STRN: variants seen among roughly 807,000 people sequenced by gnomAD.
The protein encoded by STRN is protein phosphatase 2 regulatory subunit B'''alpha.
Under a neutral mutation model 96.3 loss-of-function variants are expected in STRN, and 53 were observed. The ratio of observed to expected loss-of-function variants is 0.55; its 90% confidence interval spans 0.44 to 0.69. The LOEUF (loss-of-function observed/expected upper bound fraction) is 0.69, where lower values mean the gene tolerates loss of function less well. STRN is among the 30% of genes least tolerant of loss of function. STRN has a pLI of 0.00. For synonymous variants in STRN, 428 were observed against 355.9 expected, an observed-to-expected ratio of 1.20 and a Z score of -2.28; for missense variants, 987 against 963.9, an observed-to-expected ratio of 1.02 and a Z score of -0.32.
At position 36,847,930 on chromosome 2, in the gene STRN, T is replaced by C. The variant is rs995656845; in HGVS notation, c.*1526A>G. The C allele has an allele frequency of 2.0e-5, 3 of 152,252 alleles. 1 individual carries two copies. Among genetic ancestry groups the C allele is most frequent in the African/African-American group, 7.2e-5 (3 of 41,472 alleles). 9.4% of individuals were successfully genotyped at this position (152,252 alleles called of 1,614,324 possible). A position where few individuals can be genotyped will look rare whatever the true frequency, so the allele number is the denominator to read the frequency against. On this transcript the variant is annotated 3_prime_UTR_variant, in exon 18 of 18. Coordinates refer to ENST00000263918, the MANE Select transcript of STRN (RefSeq NM_003162.4). ...TTTTTAAAATCTAAGAGCCTATTTATATGTTTTTTGGTGGAAAGTTGGACG... is the reference window on the plus strand; with the variant it reads ...TTTTTAAAATCTAAGAGCCTATTTACATGTTTTTTGGTGGAAAGTTGGACG...
In STRN at chr2:36,845,910, T is replaced by TGCACACACACACACACACACACAC. The variant is rs1668058648; in HGVS notation, c.*3545_*3546insGTGTGTGTGTGTGTGTGTGTGTGC. 7.5e-5 allele frequency: 2 copies of TGCACACACACACACACACACACAC among 26,588 alleles called. No homozygotes were observed. The highest frequency in any genetic ancestry group is 2.2e-4 in the African/African-American group (2 of 9,022). The allele number at this position is 26,588 out of a possible 1,614,324, so 1.6% of individuals were successfully genotyped here. A position where few individuals can be genotyped will look rare whatever the true frequency, so the allele number is the denominator to read the frequency against. On this transcript the variant is annotated 3_prime_UTR_variant, in exon 18 of 18. Transcript: ENST00000263918. ...ACACACACACACACACACACACGCATGCATGCACACACACACACACACACA... is the reference window on the plus strand; with the variant it reads ...ACACACACACACACACACACACGCATGCACACACACACACACACACACACGCATGCACACACACACACACACACA...
chr2:36,962,639 G>A (rs1665055267), intron 1 of STRN, among the ~76,000 whole-genome samples: 1 of 151,802 alleles, frequency 6.6e-6, no homozygotes, highest in East Asian at 1.9e-4. Context: ...CGATTCTCCT[G>A]CCTCAGCCTC....
chr2:36,929,109 A>G (rs1204054515), intron 1 of STRN, among the ~76,000 whole-genome samples: 1 of 152,118 alleles, frequency 6.6e-6, no homozygotes, highest in East Asian at 1.9e-4. Flanking sequence ...CTTCCATGAT[A>G]CTTTATACGT....
chr2:36,905,303 C>T (rs777682442), intron 4 of STRN, among the ~76,000 whole-genome samples: 1 of 152,086 alleles, frequency 6.6e-6, no homozygotes, highest in East Asian at 1.9e-4. Flanking sequence ...TATATTCATA[C>T]ATAAAATATG....
intron 2 of STRN, among the ~76,000 whole-genome samples, chr2:36,917,229 A>G (rs1670127861): frequency 1.3e-5 from 2 of 152,000 alleles, no homozygotes; most frequent in Admixed American, 1.3e-4. Context: ...TCATAATTTA[A>G]GAAAAGTAGT....
intron 7 of STRN, among the ~76,000 whole-genome samples, chr2:36,893,445 T>A (rs1014503239): frequency 6.6e-5 from 10 of 151,486 alleles, no homozygotes; most frequent in African/African-American, 2.2e-4. Context: ...TTTAGAACAT[T>A]TTGAGAAGAA....
At position 36,846,633 on chromosome 2, in the gene STRN, A is replaced by C. The variant is rs1668085234; in HGVS notation, c.*2823T>G. ...GATGCAGCTCAATTTCCCCCGTTTTAGTCATAACTAAAATGATTATAAAAG... is the reference window on the plus strand; with the variant it reads ...GATGCAGCTCAATTTCCCCCGTTTTCGTCATAACTAAAATGATTATAAAAG... On this transcript the variant is annotated 3_prime_UTR_variant, in exon 18 of 18. Transcript: ENST00000263918. 6.6e-6 allele frequency: 1 copy of C among 151,550 alleles called. No homozygotes were observed. Among genetic ancestry groups the C allele is most frequent in the Admixed American group, 6.6e-5 (1 of 15,166 alleles). The allele number at this position is 151,550 out of a possible 1,614,324, so 9.4% of individuals were successfully genotyped here.
chr2:36,867,630 G>A, intron 12 of STRN, 184 bp downstream of exon 12: 1 of 390,050 alleles, frequency 2.6e-6, no homozygotes, highest in African/African-American at 2.1e-5. Context: ...TCTAATTTAA[G>A]CACAAATCCC....
intron 1 of STRN, among the ~76,000 whole-genome samples, chr2:36,928,769 C>A (rs1368843966): frequency 1.3e-5 from 2 of 151,418 alleles, no homozygotes; most frequent in Non-Finnish European, 2.9e-5. Flanking sequence ...ATGGTGAAAC[C>A]CCATCTCTAC....
chr2:36,893,013 C>T (rs527356835), intron 7 of STRN, among the ~76,000 whole-genome samples: 26 of 150,392 alleles, frequency 1.7e-4, no homozygotes, highest in Admixed American at 4.0e-4. Flanking sequence ...GAGTGAGACT[C>T]GGTATCAAAA....
At chr2:36,863,521 T>C (rs1207467090) in intron 12 of STRN, among the ~76,000 whole-genome samples, 4 of 152,344 alleles carry the variant, frequency 2.6e-5, no homozygotes, top group South Asian at 2.1e-4. Flanking sequence ...TTCTGTTTCA[T>C]TGGTCTATGC....
At chr2:36,859,561 T>G (rs1390504281) in intron 13 of STRN, among the ~76,000 whole-genome samples, 1 of 152,196 alleles carries the variant, frequency 6.6e-6, no homozygotes, top group Non-Finnish European at 1.5e-5. Context: ...ATCCTGAAAT[T>G]CCTGTAGTCA....
intron 10 of STRN, among the ~76,000 whole-genome samples, chr2:36,875,267 T>C (rs1055539723): frequency 1.3e-5 from 2 of 152,066 alleles, no homozygotes; most frequent in African/African-American, 2.4e-5. Context: ...CCCAGCACTC[T>C]GTGAGGCTGA....
chr2:36,900,565 T>C (rs1219530086), intron 5 of STRN, among the ~76,000 whole-genome samples: 2 of 152,192 alleles, frequency 1.3e-5, no homozygotes, highest in Non-Finnish European at 2.9e-5. Flanking sequence ...TTTTCAAATA[T>C]ATGACTTGAA....
intron 9 of STRN, among the ~76,000 whole-genome samples, chr2:36,878,438 G>A (rs1035059708): frequency 6.6e-6 from 1 of 152,108 alleles, no homozygotes; most frequent in Non-Finnish European, 1.5e-5. Context: ...TAACCTAGAA[G>A]AATATAGAAA....
intron 1 of STRN, among the ~76,000 whole-genome samples, chr2:36,944,335 T>C (rs1670925931): frequency 6.6e-6 from 1 of 152,172 alleles, no homozygotes; most frequent in Non-Finnish European, 1.5e-5. Flanking sequence ...GCACTCCTCA[T>C]AGGTAGAAGG....
intron 1 of STRN, among the ~76,000 whole-genome samples, chr2:36,947,036 C>G (rs1297954138): frequency 6.6e-6 from 1 of 152,016 alleles, no homozygotes; most frequent in East Asian, 1.9e-4. Flanking sequence ...GCAGGGACTA[C>G]AGGCACGTGC....
chr2:36,886,478 GATTT>G lies in STRN; in HGVS notation c.1042+234_1042+237del, dbSNP rs574156007. Among the ~76,000 whole-genome samples the G allele has an allele frequency of 2.6e-4, 40 of 152,184 alleles. No homozygotes were observed. In the East Asian group the frequency reaches 6.9e-3, roughly 26 times the overall value. On this transcript the variant is annotated intron_variant, in intron 8 of 17. Coordinates refer to ENST00000263918, the MANE Select transcript of STRN (RefSeq NM_003162.4). ...ATAGCCCAACACTCATGAGGCTCTG[GATTT>G]ATTATTGGGATATAGTATACATGAT...
chr2:36,901,026 A>G (rs1196483205), intron 5 of STRN, among the ~76,000 whole-genome samples: 1 of 152,032 alleles, frequency 6.6e-6, no homozygotes, highest in Non-Finnish European at 1.5e-5. Context: ...AATTGTAGAA[A>G]CTACTATGGA....
Sources: allele counts gnomAD v4.1 joint callset (sites outside exome capture counted in the v4.1 genomes callset), GRCh38; gene constraint gnomAD v4.1.1; transcripts MANE v1.5; gene names NCBI Gene and HGNC (gene_info 2026-07-23, HGNC 2026-07-21).